Variants in TOX2 observed in about 807,000 individuals in gnomAD.
TOX2 encodes granulosa cell HMG box 1.
TOX2 carries 15 observed loss-of-function variants against 47.4 expected under a neutral mutation model. That is an observed-to-expected ratio of 0.32 (90% CI 0.21 to 0.49). The LOEUF (loss-of-function observed/expected upper bound fraction) is 0.49. TOX2 is among the 20% of genes least tolerant of loss of function. The pLI is 0.99. For synonymous variants in TOX2, 290 were observed against 296.6 expected (o/e 0.98, Z 0.23); for missense variants, 622 against 673.1 (o/e 0.92, Z 0.84).
chr20:44,056,388 C>T (rs1334916142), intron 5 of TOX2, among the ~76,000 whole-genome samples: 2 of 152,214 alleles, frequency 1.3e-5, no homozygotes, highest in Non-Finnish European at 2.9e-5. Flanking sequence ...CGTTGGCAAC[C>T]AATTCCCTTT....
At chr20:43,991,279 T>A (rs756140809) in intron 2 of TOX2, among the ~76,000 whole-genome samples, 1 of 149,274 alleles carries the variant, frequency 6.7e-6, no homozygotes. Context: ...CTGAGCGGGC[T>A]GCTTCAGACC....
chr20:43,933,842 C>A (rs1159553786), intron 1 of TOX2, among the ~76,000 whole-genome samples: 1 of 152,066 alleles, frequency 6.6e-6, no homozygotes, highest in Non-Finnish European at 1.5e-5. Context: ...GGTGCACAGC[C>A]TGAAAGAGGG....
chr20:44,052,487 A>G (rs1247336665), intron 4 of TOX2, among the ~76,000 whole-genome samples: 2 of 152,260 alleles, frequency 1.3e-5, no homozygotes, highest in Middle Eastern at 3.4e-3. Flanking sequence ...CCCGAGGCCT[A>G]GGGCAGTAAC....
At chr20:43,986,855 C>T (rs2070276785) in intron 2 of TOX2, among the ~76,000 whole-genome samples, 2 of 152,180 alleles carry the variant, frequency 1.3e-5, no homozygotes, top group Admixed American at 6.5e-5. Flanking sequence ...CGCTTGAGCC[C>T]AGGAGTTCAA....
intron 8 of TOX2, 121 bp from the exon 9 acceptor site, chr20:44,068,529 C>T (rs1437716483): frequency 3.7e-6 from 4 of 1,071,778 alleles, no homozygotes; most frequent in Non-Finnish European, 5.2e-6. Flanking sequence ...GTCCCTCATT[C>T]AGCCACAGAG....
intron 1 of TOX2, among the ~76,000 whole-genome samples, chr20:43,928,268 G>A (rs1432096988): frequency 6.6e-6 from 1 of 152,236 alleles, no homozygotes; most frequent in Admixed American, 6.5e-5. Context: ...ACTTGTTTAT[G>A]AAATTAAATG....
Position 43,914,888 on chromosome 20 carries a change from C to T in TOX2, c.-4C>T, listed in dbSNP as rs1429053187. ...GAGCCGCCGCCGCCGCCGCCGCGCC[C>T]GCCATGGACGTCCGCCTGTACCCCT... On this transcript the variant is annotated 5_prime_UTR_variant, in exon 1 of 9. Coordinates refer to ENST00000341197, the MANE Select transcript of TOX2 (RefSeq NM_001098797.2). This position sits in a 1 kb window ranked among gnomAD's most constrained non-coding sequence, Gnocchi z 4.5. 40 of 1,040,426 alleles carry T rather than the reference C, an allele frequency of 3.8e-5. No individual in the cohort carries two copies. Among genetic ancestry groups the T allele is most frequent in the Non-Finnish European group, 4.3e-5 (37 of 868,578 alleles). 64.4% of individuals were successfully genotyped at this position (1,040,426 alleles called of 1,614,324 possible).
At chr20:43,924,436 CTG>C (rs147259236) in intron 1 of TOX2, among the ~76,000 whole-genome samples, 6,782 of 152,216 alleles carry the variant, frequency 0.045, 366 homozygotes, top group African/African-American at 0.13. Flanking sequence ...ACATATCTTC[CTG>C]TGTGTTAGGG....
intron 3 of TOX2, among the ~76,000 whole-genome samples, chr20:44,008,894 C>T (rs1011545189): frequency 1.3e-5 from 2 of 152,244 alleles, no homozygotes; most frequent in South Asian, 2.1e-4. Flanking sequence ...TTCCACACAA[C>T]AGGCTTGATG....
intron 1 of TOX2, among the ~76,000 whole-genome samples, chr20:43,925,874 G>A (rs1018821841): frequency 3.9e-5 from 6 of 152,204 alleles, no homozygotes; most frequent in Non-Finnish European, 8.8e-5. Context: ...ACAGAAGGGT[G>A]GCAGAGGGGG....
chr20:43,969,010 T>C (rs933047810), intron 1 of TOX2, among the ~76,000 whole-genome samples: 1 of 152,252 alleles, frequency 6.6e-6, no homozygotes, highest in Non-Finnish European at 1.5e-5. Context: ...CAGTATATGT[T>C]TGTGTTCACA....
chr20:44,034,248 T>C (rs1481269186), intron 3 of TOX2, among the ~76,000 whole-genome samples: 2 of 152,144 alleles, frequency 1.3e-5, no homozygotes, highest in Admixed American at 6.5e-5. Flanking sequence ...AGTTTTTTTT[T>C]TTCCTGTGGA....
intron 2 of TOX2, among the ~76,000 whole-genome samples, chr20:43,993,268 T>C (rs1176016425): frequency 6.6e-6 from 1 of 152,176 alleles, no homozygotes; most frequent in African/African-American, 2.4e-5. Flanking sequence ...ACCTCTACCC[T>C]GGCTGCTATG....
chr20:44,029,326 G>A (rs1174407570), intron 3 of TOX2, among the ~76,000 whole-genome samples: 2 of 152,166 alleles, frequency 1.3e-5, no homozygotes, highest in Non-Finnish European at 2.9e-5. Flanking sequence ...ACCCTTTCAG[G>A]CACTCTGTAA....
At chr20:44,065,289 C>T (rs1248439612) in intron 6 of TOX2, among the ~76,000 whole-genome samples, 1 of 152,188 alleles carries the variant, frequency 6.6e-6, no homozygotes, top group East Asian at 1.9e-4. Context: ...GCTGCGGATG[C>T]GTGGCCCAAG....
chr20:43,928,987 A>AAAAAAACAAC (rs1456790481), intron 1 of TOX2, among the ~76,000 whole-genome samples: 49 of 150,210 alleles, frequency 3.3e-4, no homozygotes, highest in African/African-American at 1.2e-3. Flanking sequence ...ATATGAAAAA[A>AAAAAAACAAC]AAAAAAAAAA....
chr20:44,010,268 CT>C (rs1211779375), intron 3 of TOX2, among the ~76,000 whole-genome samples: 1 of 152,172 alleles, frequency 6.6e-6, no homozygotes, highest in African/African-American at 2.4e-5. Context: ...AGATGGCCCC[CT>C]AATTGCCCCT....
chr20:44,040,224 C>T (rs941481741), intron 3 of TOX2, among the ~76,000 whole-genome samples: 6 of 152,134 alleles, frequency 3.9e-5, no homozygotes, highest in African/African-American at 7.2e-5. Flanking sequence ...AGAATCATCA[C>T]GGGGATGCCC....
intron 2 of TOX2, among the ~76,000 whole-genome samples, chr20:44,001,498 G>A (rs2070582018): frequency 6.6e-6 from 1 of 152,212 alleles, no homozygotes; most frequent in Admixed American, 6.5e-5. Context: ...ATTTTTAAGT[G>A]TGCTAATTGC....
Sources: gnomAD v4.1 joint callset for allele counts (sites outside exome capture counted in the v4.1 genomes callset) on GRCh38, gnomAD v4.1.1 for gene constraint, Gnocchi (gnomAD v3.1) non-coding constraint, MANE v1.5 for transcripts, NCBI Gene and HGNC (gene_info 2026-07-23, HGNC 2026-07-21) for gene names.